CFAP46: variants seen among roughly 807,000 people sequenced by gnomAD.
CFAP46 encodes cilia and flagella associated protein 46.
Under a neutral mutation model 325.7 loss-of-function variants are expected in CFAP46, and 245 were observed. That is an observed-to-expected ratio of 0.75 (90% CI 0.68 to 0.84). CFAP46 has a LOEUF of 0.84. CFAP46 is among the 40% of genes least tolerant of loss of function. The probability of loss-of-function intolerance (pLI) is 0.00; values close to 1 mark genes in which losing one functional copy is unlikely to be tolerated. For synonymous variants in CFAP46, 1,523 were observed against 1,495.9 expected, an observed-to-expected ratio of 1.02 and a Z score of -0.42; for missense variants, 3,346 against 3,543.0, an observed-to-expected ratio of 0.94 and a Z score of 1.41.
intron 16 of CFAP46, 116 bp from the exon 17 acceptor site, chr10:132,916,798 T>C (rs1206009694): frequency 2.2e-6 from 3 of 1,362,430 alleles, no homozygotes; most frequent in Non-Finnish European, 2.9e-6. Flanking sequence ...GCACAGGCTG[T>C]GAGACCCGTT....
chr10:132,867,329 C>T (rs1160632384), intron 34 of CFAP46, 46 bp downstream of exon 34: 3 of 1,529,012 alleles, frequency 2.0e-6, no homozygotes, highest in East Asian at 2.5e-5. Context: ...GAGGCACCGG[C>T]GCCCGCTGGG....
chr10:132,838,475 C>T (rs540927023), intron 44 of CFAP46, among the ~76,000 whole-genome samples: 1 of 152,402 alleles, frequency 6.6e-6, no homozygotes, highest in South Asian at 2.1e-4. Context: ...GGCCCTCGTC[C>T]CCACAAGGGG....
At chr10:132,825,415 G>A (rs533089999) in intron 50 of CFAP46, among the ~76,000 whole-genome samples, 8 of 152,250 alleles carry the variant, frequency 5.3e-5, no homozygotes, top group South Asian at 2.1e-4. Context: ...CTACAGACAC[G>A]CAATATAAAG....
At chr10:132,904,546 A>C (rs1349362983) in intron 22 of CFAP46, among the ~76,000 whole-genome samples, 1 of 152,246 alleles carries the variant, frequency 6.6e-6, no homozygotes, top group Non-Finnish European at 1.5e-5. Flanking sequence ...TTACAGCTTT[A>C]GCTAATTTAA....
At chr10:132,872,554 G>A (rs1250150227) in intron 32 of CFAP46, 122 bp downstream of exon 32, 3 of 1,094,616 alleles carry the variant, frequency 2.7e-6, no homozygotes. Flanking sequence ...TTATTTACTT[G>A]GTGTTCAAGT....
Position 132,886,013 on chromosome 10 carries a change from C to T in CFAP46, c.3305-54G>A, listed in dbSNP as rs988222086. On this transcript the variant is annotated intron_variant, in intron 25 of 57. Transcript: ENST00000368586. This position sits in a 1 kb window ranked among gnomAD's most constrained non-coding sequence, Gnocchi z 5.8. Reference sequence around the variant, plus strand: ...GAGCCGCCTGATCCCTCATCAAAGGCGCCCTCGGACCTCCCAGACTAAGCT... The same window carrying T: ...GAGCCGCCTGATCCCTCATCAAAGGTGCCCTCGGACCTCCCAGACTAAGCT... The T allele has an allele frequency of 5.7e-5, 87 of 1,534,456 alleles. No individual in the cohort carries two copies. The African/African-American group carries it at 7.8e-4, about 14-fold the overall frequency.
intron 21 of CFAP46, 33 bp from the exon 22 acceptor site, chr10:132,908,667 G>A: frequency 2.7e-6 from 4 of 1,499,698 alleles, no homozygotes; most frequent in Non-Finnish European, 2.7e-6. Context: ...GGGGCACCGT[G>A]TTAGCAACAA....
chr10:132,886,093 C>T lies in CFAP46; in HGVS notation c.3305-134G>A, dbSNP rs149481280. On this transcript the variant is annotated intron_variant, in intron 25 of 57. Transcript: ENST00000368586. This position sits in a 1 kb window ranked among gnomAD's most constrained non-coding sequence, Gnocchi z 5.8. ...GCGGCTACAGAGGTGCCCAGGCCAG[C>T]GCATGCCCCGCAGGGCTGAAGTGAG... The T allele has an allele frequency of 5.1e-4, 631 of 1,225,296 alleles. 2 individuals are homozygous for T. The African/African-American group carries it at 7.8e-3, about 15-fold the overall frequency. 75.9% of individuals were successfully genotyped at this position (1,225,296 alleles called of 1,614,324 possible).
At chr10:132,892,606 T>C (rs930496431) in intron 24 of CFAP46, among the ~76,000 whole-genome samples, 189 bp from the exon 25 acceptor site, 1 of 152,210 alleles carries the variant, frequency 6.6e-6, no homozygotes, top group Non-Finnish European at 1.5e-5. Context: ...AGCTTAACAA[T>C]CTACAGCCAA....
Position 132,866,082 on chromosome 10 carries a change from C to T in CFAP46, c.4833G>A (p.Glu1611=). The T allele has an allele frequency of 6.5e-7, 1 of 1,547,198 alleles. No homozygotes were observed. The highest frequency in any genetic ancestry group is 8.7e-7 in the Non-Finnish European group (1 of 1,145,322). Reference sequence around the variant, plus strand: ...GCCGTGCAGGCTGGTACAGGTTCATCTCCAGCAGAACTTCTGCCTTCAGCA... The same window carrying T: ...GCCGTGCAGGCTGGTACAGGTTCATTTCCAGCAGAACTTCTGCCTTCAGCA... The part of the protein sequence containing the change: ...LWMLKAEVLL[E]MNLYQPARLL... The change falls in exon 35 of 58, where the codon GAG becomes GAA. Residue 1611 remains glutamate (E), a synonymous_variant. Coordinates refer to ENST00000368586, the MANE Select transcript of CFAP46 (RefSeq NM_001200049.3).
chr10:132,935,268 C>G (rs1323249688), intron 7 of CFAP46, among the ~76,000 whole-genome samples: 1 of 151,740 alleles, frequency 6.6e-6, no homozygotes, highest in Non-Finnish European at 1.5e-5. Flanking sequence ...TATCCAAACC[C>G]ACTGTGATCT....
At position 132,933,442 on chromosome 10, in the gene CFAP46, G is replaced by A. The variant is rs925592861; in HGVS notation, c.866+1310C>T. Reference sequence around the variant, plus strand: ...CGCCTGGCCACAGAAGGGGATGCTCGGCCAGGGCCACGGCCACGCTTGGCC... The same window carrying A: ...CGCCTGGCCACAGAAGGGGATGCTCAGCCAGGGCCACGGCCACGCTTGGCC... On this transcript the variant is annotated intron_variant, in intron 8 of 57. Transcript: ENST00000368586. Among the ~76,000 whole-genome samples the A allele has an allele frequency of 1.1e-4, 17 of 152,244 alleles. No individual in the cohort carries two copies. The South Asian group carries it at 1.2e-3, about 11-fold the overall frequency.
rs1175988207 is a variant in CFAP46, at chr10:132,869,727, T to C, written c.4512-355A>G. 6.6e-6 allele frequency among the ~76,000 whole-genome samples: 1 copy of C among 152,128 alleles called. No homozygotes were observed. Among genetic ancestry groups the C allele is most frequent in the East Asian group, 1.9e-4 (1 of 5,168 alleles). On this transcript the variant is annotated intron_variant, in intron 32 of 57. Transcript: ENST00000368586. The surrounding 1 kb of genome is among the most constrained non-coding windows in gnomAD (Gnocchi z 6.2). ...TGAAAACCCTATTCTTGTAAAATGC[T>C]TTCAGGCAAGCAGGAAAGTTGCACA...
At position 132,885,927 on chromosome 10, in the gene CFAP46, G is replaced by C. The variant is rs1353842285; in HGVS notation, c.3337C>G (p.Leu1113Val). Residue 1113 changes from leucine (L) to valine (V), a missense_variant, in exon 26 of 58, where the codon CTC becomes GTC. Transcript: ENST00000368586. ...AEDDLALRAA[L>V]YGLLFHSHAD... ...TGGCTGTGGAAGAGCAGGCCGTAGA[G>C]CGCAGCACGGAGCGCCAGGTCGTCC... The C allele has an allele frequency of 1.3e-6, 2 of 1,550,136 alleles. No individual in the cohort carries two copies. The highest frequency in any genetic ancestry group is 2.0e-5 in the Admixed American group (1 of 50,970).
chr10:132,893,656 G>T (rs555807219), intron 24 of CFAP46, among the ~76,000 whole-genome samples: 1 of 152,172 alleles, frequency 6.6e-6, no homozygotes, highest in Non-Finnish European at 1.5e-5. Context: ...CAAAAGTCCC[G>T]CAACAGTGTG....
At chr10:132,915,105 C>G (rs1162225822) in intron 17 of CFAP46, among the ~76,000 whole-genome samples, 1 of 152,274 alleles carries the variant, frequency 6.6e-6, no homozygotes, top group African/African-American at 2.4e-5. Context: ...TTTGCAAGCT[C>G]CATATAGTCT....
intron 27 of CFAP46, among the ~76,000 whole-genome samples, chr10:132,883,199 C>T (rs919932590): frequency 1.3e-5 from 2 of 152,202 alleles, no homozygotes; most frequent in African/African-American, 2.4e-5. Flanking sequence ...GAAAAAGCAG[C>T]TCACAGAACG....
At chr10:132,878,451 G>A (rs938504351) in intron 29 of CFAP46, among the ~76,000 whole-genome samples, 5 of 152,158 alleles carry the variant, frequency 3.3e-5, no homozygotes, top group Non-Finnish European at 1.5e-5. Context: ...CCCAGGCAGG[G>A]AGGACGCTAG....
intron 50 of CFAP46, among the ~76,000 whole-genome samples, chr10:132,818,761 G>C (rs879527802): frequency 6.6e-6 from 1 of 151,884 alleles, no homozygotes; most frequent in Non-Finnish European, 1.5e-5. Flanking sequence ...GCTGAGGCAG[G>C]AGAATTGCTT....
Sources: gnomAD v4.1 joint callset for allele counts (sites outside exome capture counted in the v4.1 genomes callset) on GRCh38, gnomAD v4.1.1 for gene constraint, Gnocchi (gnomAD v3.1) non-coding constraint, MANE v1.5 for transcripts, NCBI Gene and HGNC (gene_info 2026-07-23, HGNC 2026-07-21) for gene names.